Variants in TRIOBP observed in about 807,000 individuals in gnomAD.
TRIOBP encodes TRIO and F-actin-binding protein.
In TRIOBP, 169 loss-of-function variants were observed where a neutral mutation model predicts 238.8. The observed-to-expected ratio is 0.71, with a 90% CI of 0.62 to 0.80. The LOEUF (loss-of-function observed/expected upper bound fraction) is 0.80. TRIOBP is among the 30% of genes least tolerant of loss of function. The pLI, the probability that TRIOBP is intolerant of heterozygous loss-of-function variation, is 0.00. For synonymous variants in TRIOBP, 1,150 were observed against 1,274.4 expected, an observed-to-expected ratio of 0.90 and a Z score of 2.08; for missense variants, 2,838 against 3,122.6, an observed-to-expected ratio of 0.91 and a Z score of 2.17.
intron 10 of TRIOBP, among the ~76,000 whole-genome samples, chr22:37,739,685 C>T (rs927362877): frequency 5.3e-5 from 8 of 152,192 alleles, no homozygotes; most frequent in Admixed American, 2.6e-4. Context: ...GCTGTAACTT[C>T]GAGCAGTCCA....
chr22:37,738,808 G>C, intron 10 of TRIOBP, 89 bp downstream of exon 10: 1 of 1,379,614 alleles, frequency 7.2e-7, no homozygotes. Context: ...AAGAGCCCTA[G>C]AATCAACCAG....
chr22:37,734,803 G>A lies in TRIOBP; in HGVS notation c.4467G>A (p.Gly1489=). 1 of 1,612,380 alleles carries A rather than the reference G, an allele frequency of 6.2e-7. No homozygotes were observed. Among genetic ancestry groups the A allele is most frequent in the Non-Finnish European group, 8.5e-7 (1 of 1,179,826 alleles). ...CCAGGGAGTACAAGGAGAGCTGGGG[G>A]CAGCCAGAGGCCTGGGAGGAGAAGC... The part of the protein sequence containing the change: ...GTSREYKESW[G]QPEAWEEKPT... Residue 1489 remains glycine, a synonymous_variant, in exon 9 of 24, where the codon GGG becomes GGA. Transcript: ENST00000644935.
intron 12 of TRIOBP, among the ~76,000 whole-genome samples, chr22:37,753,487 C>T (rs1363413718): frequency 2.0e-5 from 3 of 152,160 alleles, no homozygotes; most frequent in East Asian, 1.9e-4. Context: ...CCATGTTGGT[C>T]AGGCTGGTCT....
Position 37,724,172 on chromosome 22 carries a change from C to A in TRIOBP, c.1616C>A (p.Ser539Tyr), listed in dbSNP as rs1923983924. Reference protein sequence around the residue: ...SCAQRDNPRASSPNRAARDNP... With the variant: ...SCAQRDNPRAYSPNRAARDNP... ...GCCCAGCGGGACAATCCCAGAGCCTCCTCTCCCAATAGAGCTGCACGAGAC... is the reference window on the plus strand; with the variant it reads ...GCCCAGCGGGACAATCCCAGAGCCTACTCTCCCAATAGAGCTGCACGAGAC... The change falls in exon 7 of 24, where the codon TCC becomes TAC. Residue 539 changes from serine to tyrosine, a missense_variant. Physicochemically the swap from Ser to Tyr is moderately radical, Grantham distance 144. Transcript: ENST00000644935. 6.6e-7 allele frequency: 1 copy of A among 1,523,042 alleles called. No homozygotes were observed. Among genetic ancestry groups the A allele is most frequent in the Non-Finnish European group, 8.8e-7 (1 of 1,134,096 alleles). The allele number at this position is 1,523,042 out of a possible 1,614,324, so 94.3% of individuals were successfully genotyped here. A position where few individuals can be genotyped will look rare whatever the true frequency, so the allele number is the denominator to read the frequency against.
intron 7 of TRIOBP, among the ~76,000 whole-genome samples, chr22:37,728,319 A>G (rs982097210): frequency 7.9e-5 from 12 of 151,686 alleles, no homozygotes; most frequent in African/African-American, 2.9e-4. Context: ...CTGTAGTCCC[A>G]GCTACTCAGG....
intron 14 of TRIOBP, 141 bp from the exon 15 acceptor site, chr22:37,755,409 G>C (rs1925862762): frequency 1.3e-5 from 12 of 931,804 alleles, no homozygotes; most frequent in South Asian, 1.1e-4. Flanking sequence ...ATGGAAGGGA[G>C]GTTTTGTACC....
At chr22:37,754,070 C>T (rs552274469) in intron 12 of TRIOBP, among the ~76,000 whole-genome samples, 90 of 152,258 alleles carry the variant, frequency 5.9e-4, no homozygotes, top group Admixed American at 1.5e-3. Context: ...CAGCTTAGGG[C>T]GCTCTCACCT....
At chr22:37,702,519 A>G (rs1279260441) in intron 3 of TRIOBP, among the ~76,000 whole-genome samples, 3 of 151,684 alleles carry the variant, frequency 2.0e-5, no homozygotes, top group Non-Finnish European at 1.5e-5. Flanking sequence ...AGTGTTTTCT[A>G]TGGAAGGCTC....
Position 37,768,105 on chromosome 22 carries a change from A to G in TRIOBP, c.6504A>G (p.Glu2168=), listed in dbSNP as rs377050759. 2.5e-6 allele frequency: 4 copies of G among 1,613,542 alleles called. No homozygotes were observed. The highest frequency in any genetic ancestry group is 1.7e-5 in the Admixed American group (1 of 59,942). ...AAGCCATGAAGAAGGCCTACCAGGA[A>G]GAGCTGAGCCGAGAGCTGAGCAAAA... ...AIEAMKKAYQ[E]ELSRELSKTR... Residue 2168 remains glutamate (E), a synonymous_variant, in exon 19 of 24, where the codon GAA becomes GAG. Coordinates refer to ENST00000644935, the MANE Select transcript of TRIOBP (RefSeq NM_001039141.3).
In TRIOBP at chr22:37,725,153, C is replaced by A. The variant is rs1204032283; in HGVS notation, c.2597C>A (p.Thr866Asn). The A allele has an allele frequency of 6.2e-7, 1 of 1,614,140 alleles. No homozygotes were observed. Among genetic ancestry groups the A allele is most frequent in the East Asian group, 2.2e-5 (1 of 44,892 alleles). The change falls in exon 7 of 24, where the codon ACC becomes AAC. Residue 866 changes from threonine (T) to asparagine (N), a missense_variant. Physicochemically the swap from Thr to Asn is moderately conservative, Grantham distance 65. Coordinates refer to ENST00000644935, the MANE Select transcript of TRIOBP (RefSeq NM_001039141.3). ...SFSFQRDNPG[T>N]SSSQCCTQKE... ...TCCTTTCAACGAGACAACCCTGGAA[C>A]CTCCTCATCTCAATGCTGCACCCAA...
chr22:37,755,789 G>C (rs1018406160), intron 15 of TRIOBP, 130 bp downstream of exon 15: 102 of 766,776 alleles, frequency 1.3e-4, no homozygotes, highest in Non-Finnish European at 1.6e-4. Flanking sequence ...CATGGGAAGA[G>C]AGTAGTGAGC....
Position 37,734,856 on chromosome 22 carries a change from G to A in TRIOBP, c.4520G>A (p.Gly1507Glu). The change falls in exon 9 of 24, where the codon GGA (glycine) becomes GAA (glutamate). Residue 1507 changes from glycine (G) to glutamate (E), a missense_variant. By Grantham distance (98) the Gly-to-Glu change is moderately conservative. This residue lies in a region of TRIOBP where 2,096 missense variants were observed against 2,137.4 expected (regional missense o/e 0.98). Transcript: ENST00000644935. ...ACTCATGAGCTCCCCAGAGAACTAG[G>A]AAAGAGAAGCCCACTCACGAGCCCC... ...KPTHELPREL[G>E]KRSPLTSPPE... 5 of 1,612,936 alleles carry A rather than the reference G, an allele frequency of 3.1e-6. No homozygotes were observed. The highest frequency in any genetic ancestry group is 4.2e-6 in the Non-Finnish European group (5 of 1,179,982).
chr22:37,738,794 T>C, intron 10 of TRIOBP, 75 bp downstream of exon 10: 2 of 1,469,130 alleles, frequency 1.4e-6, no homozygotes, highest in Non-Finnish European at 1.9e-6. Context: ...GCTTCATTCC[T>C]CAGAAGAGCC....
At position 37,725,688 on chromosome 22, in the gene TRIOBP, C is replaced by G; in HGVS notation, c.3132C>G (p.Pro1044=). 1 of 1,613,096 alleles carries G rather than the reference C, an allele frequency of 6.2e-7. No homozygotes were observed. The highest frequency in any genetic ancestry group is 1.1e-5 in the South Asian group (1 of 91,014). The change falls in exon 7 of 24, where the codon CCC becomes CCG. Residue 1044 remains proline (P), a synonymous_variant. Transcript: ENST00000644935. ...ACCCCTTCCCCTTCTTCCCAGAGCC[C>G]CGCGCCCCTGAGAGTGAACCGCCCC... The part of the protein sequence containing the change: ...QHDPFPFFPE[P]RAPESEPPHH...
chr22:37,756,841 G>T (rs1431226919), intron 15 of TRIOBP, among the ~76,000 whole-genome samples: 1 of 152,232 alleles, frequency 6.6e-6, no homozygotes, highest in Non-Finnish European at 1.5e-5. Flanking sequence ...TGCAACTTGT[G>T]TTCTGTGCAC....
At chr22:37,743,800 A>AGTGTGTGT (rs1238130911) in intron 11 of TRIOBP, among the ~76,000 whole-genome samples, 24 of 55,402 alleles carry the variant, frequency 4.3e-4, no homozygotes, top group East Asian at 9.6e-4. Flanking sequence ...AGAGAGAGAG[A>AGTGTGTGT]ATGTGTGTGT....
chr22:37,772,278 CA>C (rs1246879407), intron 22 of TRIOBP, among the ~76,000 whole-genome samples: 3 of 152,204 alleles, frequency 2.0e-5, no homozygotes, highest in African/African-American at 7.2e-5. Context: ...ACTTGAAGAA[CA>C]GGTGGCGTGA....
intron 17 of TRIOBP, among the ~76,000 whole-genome samples, chr22:37,764,248 G>A (rs1295535278): frequency 6.6e-6 from 1 of 152,122 alleles, no homozygotes; most frequent in Non-Finnish European, 1.5e-5. Context: ...CAACTTTGAG[G>A]GGCTATCATT....
At chr22:37,757,552 G>T in intron 15 of TRIOBP, 61 bp from the exon 16 acceptor site, 5 of 1,539,032 alleles carry the variant, frequency 3.2e-6, no homozygotes, top group Non-Finnish European at 4.4e-6. Flanking sequence ...CGCTCCAAAA[G>T]TGCTCATTGT....
Sources: allele counts gnomAD v4.1 joint callset (sites outside exome capture counted in the v4.1 genomes callset), GRCh38; gene constraint gnomAD v4.1.1; regional missense constraint gnomAD v4.1.1; transcripts MANE v1.5; gene names NCBI Gene and HGNC (gene_info 2026-07-23, HGNC 2026-07-21).